The following SKP2 variants were observed in gnomAD, a reference collection of about 807,000 sequenced individuals.
SKP2 encodes the protein S-phase kinase associated protein 2.
Under a neutral mutation model 51.8 loss-of-function variants are expected in SKP2, and 16 were observed. The ratio of observed to expected loss-of-function variants is 0.31; its 90% CI spans 0.21 to 0.47. The LOEUF is 0.47. Ranked by LOEUF, SKP2 falls within the 20% of genes least tolerant of loss-of-function variation. The pLI, the probability that SKP2 is intolerant of heterozygous loss-of-function variation, is 1.00. For missense variants in SKP2, 377 were observed against 505.3 expected (o/e 0.75, Z 2.43); for synonymous variants, 176 against 198.6 (o/e 0.89, Z 0.96).
chr5:36,164,385 G>A (rs943750075), intron 3 of SKP2, among the ~76,000 whole-genome samples: 1 of 152,194 alleles, frequency 6.6e-6, no homozygotes, highest in Non-Finnish European at 1.5e-5. Context: ...TGGAAGGTGA[G>A]TTGCATGTGG....
At chr5:36,186,160 G>A (rs1418105757), downstream of SKP2, among the ~76,000 whole-genome samples, 12 of 152,174 alleles carry the variant, frequency 7.9e-5, no homozygotes, top group African/African-American at 2.4e-4. Flanking sequence ...TGGCTGAGAC[G>A]ATGGGGTTTT....
chr5:36,179,370 A>G (rs1745732927), intron 9 of SKP2, among the ~76,000 whole-genome samples: 1 of 152,148 alleles, frequency 6.6e-6, no homozygotes, highest in Non-Finnish European at 1.5e-5. Context: ...ACTTAAGGCT[A>G]TTTATTTCTC....
At chr5:36,191,283 G>A (rs1045231508) in intron 6 of SKP2, among the ~76,000 whole-genome samples, 7 of 152,080 alleles carry the variant, frequency 4.6e-5, no homozygotes, top group Non-Finnish European at 8.8e-5. Context: ...GGCAATAGAG[G>A]CTAAGGATGC....
At chr5:36,185,436 G>A (rs529035808), downstream of SKP2, among the ~76,000 whole-genome samples, 3 of 152,284 alleles carry the variant, frequency 2.0e-5, no homozygotes, top group African/African-American at 7.2e-5. Context: ...TGTATAAGGT[G>A]TAAGGAAGGG....
intron 2 of SKP2, among the ~76,000 whole-genome samples, chr5:36,154,725 C>T (rs939621356): frequency 2.0e-5 from 3 of 151,960 alleles, no homozygotes; most frequent in East Asian, 3.9e-4. Context: ...ATGGAGGTTG[C>T]GGGGGCGTTC....
intron 8 of SKP2, 28 bp downstream of exon 8, chr5:36,177,044 CA>C: frequency 1.3e-6 from 2 of 1,518,880 alleles, no homozygotes; most frequent in Non-Finnish European, 1.8e-6. Flanking sequence ...TATTTTAGAT[CA>C]AAAGTTGAAA....
At chr5:36,171,314 G>C (rs1745464822) in intron 6 of SKP2, among the ~76,000 whole-genome samples, 1 of 152,174 alleles carries the variant, frequency 6.6e-6, no homozygotes, top group African/African-American at 2.4e-5. Context: ...AAACATAAAA[G>C]ACTGGCATTT....
chr5:36,190,304 C>T (rs973600976), intron 6 of SKP2, among the ~76,000 whole-genome samples: 1 of 152,094 alleles, frequency 6.6e-6, no homozygotes, highest in Non-Finnish European at 1.5e-5. Context: ...CCGTATTCTG[C>T]GTCGCTCACA....
intron 3 of SKP2, 88 bp downstream of exon 3, chr5:36,163,844 C>T (rs1347919393): frequency 1.1e-6 from 1 of 876,312 alleles, no homozygotes; most frequent in Non-Finnish European, 1.9e-6. Flanking sequence ...AAACTAAAAA[C>T]CAAGAAAAAT....
intron 2 of SKP2, 75 bp downstream of exon 2, chr5:36,153,117 G>C: frequency 1.4e-6 from 2 of 1,431,036 alleles, no homozygotes; most frequent in Non-Finnish European, 1.9e-6. Flanking sequence ...CCTTTGTTCA[G>C]AGATCTTTAG....
chr5:36,174,878 A>G (rs927971722), intron 7 of SKP2, among the ~76,000 whole-genome samples: 5 of 152,114 alleles, frequency 3.3e-5, no homozygotes, highest in African/African-American at 4.8e-5. Flanking sequence ...TATGGAACCA[A>G]TGTGTGAGAG....
Position 36,181,925 on chromosome 5 carries a change from G to T in SKP2, c.1169G>T (p.Cys390Phe). The T allele has an allele frequency of 6.2e-7, 1 of 1,614,092 alleles. No homozygotes were observed. Among genetic ancestry groups the T allele is most frequent in the Non-Finnish European group, 8.5e-7 (1 of 1,180,022 alleles). Residue 390 changes from cysteine to phenylalanine, a missense_variant, in exon 10 of 10, where the codon TGC becomes TTC. Physicochemically the swap from Cys to Phe is radical, Grantham distance 205. Around this residue, in one of 2 missense-constraint regions of SKP2, gnomAD observed 262 missense variants for 389.8 expected, o/e 0.67. Transcript: ENST00000274255. ...KEALPHLQIN[C>F]SHFTTIARPT... ...GCCCTTCCTCATCTACAGATTAATT[G>T]CTCCCATTTCACCACCATTGCCAGG...
chr5:36,155,445 G>A (rs1455371486), intron 2 of SKP2, among the ~76,000 whole-genome samples: 1 of 152,148 alleles, frequency 6.6e-6, no homozygotes, highest in Non-Finnish European at 1.5e-5. Context: ...GAAATGGAGT[G>A]CTGTAATAAT....
rs1300142803 is a variant in SKP2 at position 36,171,970 on chromosome 5, A to G, written c.901+237A>G. On this transcript the variant is annotated intron_variant, in intron 7 of 9. Coordinates refer to ENST00000274255, the MANE Select transcript of SKP2 (RefSeq NM_005983.4). ...AACAGTAGAAACCTTTACACTTGAA[A>G]ACAATGTATTTTTAAGCAGAAAAAC... Among the ~76,000 whole-genome samples, 7 of 152,234 alleles carry G rather than the reference A, an allele frequency of 4.6e-5. No homozygotes were observed. The East Asian group carries it at 1.3e-3, about 29-fold the overall frequency.
chr5:36,177,798 T>C (rs1190414050), intron 9 of SKP2, among the ~76,000 whole-genome samples: 1 of 152,158 alleles, frequency 6.6e-6, no homozygotes, highest in Non-Finnish European at 1.5e-5. Flanking sequence ...AGTCTGATAC[T>C]GTTTTTGAAC....
intron 7 of SKP2, among the ~76,000 whole-genome samples, chr5:36,176,455 A>T (rs2112001537): frequency 6.6e-6 from 1 of 151,290 alleles, no homozygotes; most frequent in South Asian, 2.1e-4. Flanking sequence ...TTAATATTTA[A>T]TATATTATTA....
intron 4 of SKP2, among the ~76,000 whole-genome samples, chr5:36,168,090 C>T (rs1364938251): frequency 6.6e-6 from 1 of 152,206 alleles, no homozygotes; most frequent in Non-Finnish European, 1.5e-5. Context: ...ATATTGGCAG[C>T]AACATCTGTA....
Position 36,170,277 on chromosome 5 carries a change from A to T in SKP2, c.672-67A>T, listed in dbSNP as rs74460916. ...AGCTTAACTACACTCGCCTGCTTTC[A>T]TCTAAATGTTGTTGATGAATAGTGT... On this transcript the variant is annotated intron_variant, in intron 5 of 9. Transcript: ENST00000274255. The T allele has an allele frequency of 5.1e-4, 465 of 909,496 alleles. 4 individuals are homozygous for T. The Middle Eastern group carries it at 7.9e-3, about 15-fold the overall frequency. 56.3% of individuals were successfully genotyped at this position (909,496 alleles called of 1,614,324 possible).
At chr5:36,172,157 C>G (rs1425891647) in intron 7 of SKP2, among the ~76,000 whole-genome samples, 1 of 152,164 alleles carries the variant, frequency 6.6e-6, no homozygotes, top group Non-Finnish European at 1.5e-5. Context: ...TGTAGGAGTG[C>G]TGATGGTCTC....
Sources: gnomAD v4.1 joint callset for allele counts (sites outside exome capture counted in the v4.1 genomes callset) on GRCh38, gnomAD v4.1.1 for gene constraint, gnomAD v4.1.1 regional missense constraint, MANE v1.5 for transcripts, NCBI Gene and HGNC (gene_info 2026-07-23, HGNC 2026-07-21) for gene names.